Variants in CD163 observed in about 807,000 individuals in gnomAD.
The protein encoded by CD163 is CD163 molecule.
Under a neutral mutation model 129.2 loss-of-function variants are expected in CD163, and 64 were observed. The ratio of observed to expected loss-of-function variants is 0.50; its 90% CI spans 0.41 to 0.61. The LOEUF is 0.61. Ranked by LOEUF, CD163 falls within the 20% of genes least tolerant of loss-of-function variation. The probability of loss-of-function intolerance (pLI) is 0.00; values close to 1 mark genes in which losing one functional copy is unlikely to be tolerated. For missense variants in CD163, 1,061 were observed against 1,377.9 expected (o/e 0.77, Z 3.64); for synonymous variants, 446 against 478.5 (o/e 0.93, Z 0.89).
At chr12:7,491,997 T>G (rs1057187856) in intron 6 of CD163, among the ~76,000 whole-genome samples, 5 of 152,102 alleles carry the variant, frequency 3.3e-5, no homozygotes, top group African/African-American at 1.2e-4. Flanking sequence ...GTTAAACAAT[T>G]TAAACAGATG....
At chr12:7,478,978 GA>G (rs980864864) in intron 16 of CD163, among the ~76,000 whole-genome samples, 3 of 151,524 alleles carry the variant, frequency 2.0e-5, no homozygotes, top group African/African-American at 7.3e-5. Flanking sequence ...GTTCACATTT[GA>G]ATTTTTTTTT....
At position 7,488,051 on chromosome 12, in the gene CD163, G is replaced by A. The variant is rs749287010; in HGVS notation, c.1457C>T (p.Pro486Leu). The change falls in exon 7 of 17, where the codon CCC becomes CTC. Residue 486 changes from proline (P) to leucine (L), a missense_variant. Coordinates refer to ENST00000432237, the MANE Select transcript of CD163 (RefSeq NM_203416.4). The stretch of plus-strand genomic sequence containing the variant: ...CTTCACTTCAACACGTCCAGAACAG[G>A]GAATGTCCCCTCCAACCAGTCTGGG... Reference protein sequence around the residue: ...REPRLVGGDIPCSGRVEVKHG... With the variant: ...REPRLVGGDILCSGRVEVKHG... The A allele has an allele frequency of 2.5e-6, 4 of 1,613,684 alleles. 1 individual carries two copies. The highest frequency in any genetic ancestry group is 2.5e-6 in the Non-Finnish European group (3 of 1,179,886).
At chr12:7,473,365 C>G (rs1949034444) in intron 16 of CD163, among the ~76,000 whole-genome samples, 1 of 152,216 alleles carries the variant, frequency 6.6e-6, no homozygotes, top group Non-Finnish European at 1.5e-5. Context: ...ATCTGACTAA[C>G]AGCAGAACTT....
rs1403341053 is a variant in CD163 at position 7,495,374 on chromosome 12, C to G, written c.1127G>C (p.Arg376Thr). The G allele has an allele frequency of 1.2e-6, 2 of 1,613,966 alleles. No homozygotes were observed. Among genetic ancestry groups the G allele is most frequent in the Non-Finnish European group, 1.7e-6 (2 of 1,179,986 alleles). Residue 376 changes from arginine to threonine, a missense_variant, in exon 6 of 17, where the codon AGA (arginine) becomes ACA (threonine). Arg to Thr is a moderately conservative substitution (Grantham distance 71, BLOSUM62 -1). Coordinates refer to ENST00000432237, the MANE Select transcript of CD163 (RefSeq NM_203416.4). ...SDGSDLELRLRGGGSRCAGTV... is the reference protein window; with the variant it reads ...SDGSDLELRLTGGGSRCAGTV... Reference sequence around the variant, plus strand: ...CCCAGCACAGCGGCTGCCTCCACCTCTAAGTCTTAGCTCCAGATCTGATCC... The same window carrying G: ...CCCAGCACAGCGGCTGCCTCCACCTGTAAGTCTTAGCTCCAGATCTGATCC...
At position 7,483,574 on chromosome 12, in the gene CD163, C is replaced by T. The variant is rs764142833; in HGVS notation, c.2881G>A (p.Asp961Asn). Residue 961 changes from aspartate (D) to asparagine (N), a missense_variant, in exon 12 of 17, where the codon GAC becomes AAC. Asp to Asn is a conservative substitution (Grantham distance 23). Coordinates refer to ENST00000432237, the MANE Select transcript of CD163 (RefSeq NM_203416.4). The stretch of plus-strand genomic sequence containing the variant: ...TGTTGACACACCACCTGAGCATCGT[C>T]CAAGTCCCAAGAGTCATCACACACT... ...GTVCDDSWDL[D>N]DAQVVCQQLG... is the part of the protein sequence containing the mutation. 9.3e-6 allele frequency: 15 copies of T among 1,613,652 alleles called. No homozygotes were observed. The highest frequency in any genetic ancestry group is 1.2e-5 in the Non-Finnish European group (14 of 1,179,936).
chr12:7,485,437 A>T lies in CD163; in HGVS notation c.2459-21T>A, dbSNP rs755808434. The T allele has an allele frequency of 6.3e-7, 1 of 1,588,360 alleles. No individual in the cohort carries two copies. The highest frequency in any genetic ancestry group is 1.1e-5 in the South Asian group (1 of 89,316). On this transcript the variant is annotated intron_variant, in intron 10 of 16. Transcript: ENST00000432237. The surrounding 1 kb of genome is among the most constrained non-coding windows in gnomAD (Gnocchi z 4.5). ...GAATTCTGCAGCGAAACATAGAATT[A>T]GTAGTTTTGCATCTTTTCTGAAGAT...
At chr12:7,483,130 A>T (rs1213725575) in intron 12 of CD163, 126 bp from the exon 13 acceptor site, 1 of 958,644 alleles carries the variant, frequency 1.0e-6, no homozygotes, top group Admixed American at 2.2e-5. Context: ...ACCTAAAACT[A>T]GAGTCCTCTA....
In CD163 at chr12:7,486,902, G is replaced by A; in HGVS notation, c.2135C>T (p.Ala712Val). The A allele has an allele frequency of 6.2e-7, 1 of 1,613,622 alleles. No homozygotes were observed. ...TTGTCACAGAGTCTTACCTATGCAGGCCACAGCACTTTCTTCTGGAATGGT... is the reference window on the plus strand; with the variant it reads ...TTGTCACAGAGTCTTACCTATGCAGACCACAGCACTTTCTTCTGGAATGGT... ...RPTIPEESAV[A>V]CIESGQLRLV... The change falls in exon 9 of 17, where the codon GCC becomes GTC. Residue 712 changes from alanine (A) to valine (V), a missense_variant. Transcript: ENST00000432237.
intron 1 of CD163, 191 bp from the exon 2 acceptor site, chr12:7,502,755 G>T (rs1359380374): frequency 1.6e-6 from 1 of 627,274 alleles, no homozygotes; most frequent in South Asian, 1.9e-5. Context: ...TTTTGAAAAT[G>T]TTCATGTTTA....
intron 1 of CD163, chr12:7,502,787 A>T (rs759459308): frequency 2.8e-5 from 16 of 579,118 alleles, no homozygotes; most frequent in Non-Finnish European, 4.9e-5. Flanking sequence ...GAGGTGACGG[A>T]TTAGCAGAAG....
chr12:7,486,696 T>C lies in CD163; in HGVS notation c.2261A>G (p.His754Arg), dbSNP rs201192099. The C allele has an allele frequency of 1.9e-5, 31 of 1,614,050 alleles. No homozygotes were observed. Among genetic ancestry groups the C allele is most frequent in the Non-Finnish European group, 2.5e-5 (29 of 1,180,026 alleles). ...CDDSWDLSDA[H>R]VVCRQLGCGE... The stretch of plus-strand genomic sequence containing the variant: ...ACAGCCCAGCTGTCTGCAAACCACG[T>C]GGGCATCACTCAGGTCCCAGCTGTC... Residue 754 changes from histidine (H) to arginine (R), a missense_variant, in exon 10 of 17, where the codon CAC becomes CGC. Transcript: ENST00000432237.
rs778015736 is a variant in CD163, at chr12:7,500,511, T to G, written c.457+628A>C. Among the ~76,000 whole-genome samples, 3 of 151,174 alleles carry G rather than the reference T, an allele frequency of 2.0e-5. No homozygotes were observed. In the South Asian group the frequency reaches 6.3e-4, roughly 32 times the overall value. On this transcript the variant is annotated intron_variant, in intron 3 of 16. Transcript: ENST00000432237. ...TTGGATCAGAAATGTGCCCTTGGGATTTGTCAGCAGAAAGGCCTGACACAT... is the reference window on the plus strand; with the variant it reads ...TTGGATCAGAAATGTGCCCTTGGGAGTTGTCAGCAGAAAGGCCTGACACAT...
intron 16 of CD163, among the ~76,000 whole-genome samples, chr12:7,472,572 A>G (rs1203901203): frequency 1.3e-5 from 2 of 152,242 alleles, no homozygotes. Flanking sequence ...AACAAAGGTC[A>G]TCAGCTCCAA....
chr12:7,475,576 A>G (rs1422438458), intron 16 of CD163, among the ~76,000 whole-genome samples: 2 of 152,214 alleles, frequency 1.3e-5, no homozygotes, highest in Non-Finnish European at 2.9e-5. Flanking sequence ...CTAGATATTG[A>G]TGAAACGTAT....
Position 7,483,531 on chromosome 12 carries a change from G to A in CD163, c.2924C>T (p.Ala975Val), listed in dbSNP as rs759943157. Residue 975 changes from alanine (A) to valine (V), a missense_variant, in exon 12 of 17, where the codon GCT becomes GTT. By Grantham distance (64) the Ala-to-Val change is moderately conservative. Transcript: ENST00000432237. ...VVCQQLGCGP[A>V]LKAFKEAEFG... The stretch of plus-strand genomic sequence containing the variant: ...CTCTGCTTCTTTGAATGCTTTCAAA[G>A]CTGGACCACAGCCAAGTTGTTGACA... The A allele has an allele frequency of 1.2e-6, 2 of 1,613,922 alleles. No individual in the cohort carries two copies. Among genetic ancestry groups the A allele is most frequent in the South Asian group, 2.2e-5 (2 of 91,068 alleles).
intron 3 of CD163, among the ~76,000 whole-genome samples, chr12:7,500,465 T>C (rs1267311318): frequency 1.3e-5 from 1 of 75,792 alleles, no homozygotes; most frequent in African/African-American, 4.2e-5. Context: ...CAAAAAGAAA[T>C]GGGGATCCCA....
chr12:7,491,608 C>T (rs1303015584), intron 6 of CD163, among the ~76,000 whole-genome samples: 2 of 151,956 alleles, frequency 1.3e-5, no homozygotes, highest in African/African-American at 4.8e-5. Flanking sequence ...TAATTAGAGA[C>T]ATAATTAACT....
At position 7,483,811 on chromosome 12, in the gene CD163, TTA is replaced by T. The variant is rs199530825; in HGVS notation, c.2780-138_2780-137del. ...TTTTACTGAATGTGCATATTAAAAT[TTA>T]TATATATATATGTATATATATATAT... On this transcript the variant is annotated intron_variant, in intron 11 of 16. Coordinates refer to ENST00000432237, the MANE Select transcript of CD163 (RefSeq NM_203416.4). 57 of 128,872 alleles carry T rather than the reference TTA, an allele frequency of 4.4e-4. 1 individual carries two copies. Among genetic ancestry groups the T allele is most frequent in the Middle Eastern group, 3.0e-3 (1 of 338 alleles). The allele number at this position is 128,872 out of a possible 1,614,324, so 8.0% of individuals were successfully genotyped here.
chr12:7,476,928 G>C (rs963748025), intron 16 of CD163, among the ~76,000 whole-genome samples: 1 of 152,142 alleles, frequency 6.6e-6, no homozygotes, highest in Non-Finnish European at 1.5e-5. Context: ...GTGGGCAAAG[G>C]ATATGAACAG....
Sources: gnomAD v4.1 joint callset for allele counts (sites outside exome capture counted in the v4.1 genomes callset) on GRCh38, gnomAD v4.1.1 for gene constraint, Gnocchi (gnomAD v3.1) non-coding constraint, MANE v1.5 for transcripts, NCBI Gene and HGNC (gene_info 2026-07-23, HGNC 2026-07-21) for gene names.